RHOU: variants seen among roughly 807,000 people sequenced by gnomAD.
The protein encoded by RHOU is rho-related GTP-binding protein RhoU.
A neutral mutation model predicts 12.6 loss-of-function variants in RHOU; 8 were observed. That is an observed-to-expected ratio of 0.64 (90% CI 0.37 to 1.15). RHOU has a LOEUF of 1.15. Among genes scored for constraint, RHOU ranks in the 50% most tolerant of loss-of-function variants. The pLI, the probability that RHOU is intolerant of heterozygous loss-of-function variation, is 0.01. For synonymous variants in RHOU, 161 were observed against 147.4 expected (o/e 1.09, Z -0.67); for missense variants, 258 against 347.0 (o/e 0.74, Z 2.04).
chr1:228,647,094 C>G, the RHOU span, among the ~76,000 whole-genome samples: 1 of 152,192 alleles, frequency 6.6e-6, no homozygotes, highest in African/African-American at 2.4e-5. Context: ...CACCCTACTT[C>G]GGTAGGCAGC....
the RHOU span, among the ~76,000 whole-genome samples, chr1:228,707,148 A>G: frequency 1.5e-5 from 2 of 130,416 alleles, no homozygotes; most frequent in Non-Finnish European, 3.2e-5. Context: ...ATATATATGT[A>G]TATATATACA....
the RHOU span, among the ~76,000 whole-genome samples, chr1:228,675,527 C>T: frequency 2.6e-5 from 4 of 152,222 alleles, no homozygotes; most frequent in South Asian, 4.1e-4. Context: ...AAGTACATAC[C>T]GCTCCATCTG....
At chr1:228,723,031 C>T in the RHOU span, among the ~76,000 whole-genome samples, 1 of 152,344 alleles carries the variant, frequency 6.6e-6, no homozygotes, top group African/African-American at 2.4e-5. Context: ...ACCGCCTCTG[C>T]TACTCCTGGT....
chr1:228,698,597 A>ATT, the RHOU span, among the ~76,000 whole-genome samples: 1 of 152,256 alleles, frequency 6.6e-6, no homozygotes, highest in Non-Finnish European at 1.5e-5. Context: ...TGAGGGATAC[A>ATT]TTTTTAACTT....
At chr1:228,719,916 G>A in the RHOU span, among the ~76,000 whole-genome samples, 4 of 151,904 alleles carry the variant, frequency 2.6e-5, no homozygotes, top group African/African-American at 9.7e-5. Context: ...TTGCTCCCAA[G>A]CAGACCTAAA....
intron 2 of RHOU, among the ~76,000 whole-genome samples, chr1:228,739,532 C>T (rs767136050): frequency 2.6e-5 from 4 of 152,186 alleles, no homozygotes; most frequent in Non-Finnish European, 4.4e-5. Flanking sequence ...CACTGCCCTG[C>T]AGCCTGGTTG....
chr1:228,710,695 G>C, the RHOU span, among the ~76,000 whole-genome samples: 4 of 150,292 alleles, frequency 2.7e-5, no homozygotes, highest in East Asian at 1.9e-4. Flanking sequence ...CAAACCCACA[G>C]CCAATATCAT....
rs139209273 is a variant in RHOU, at chr1:228,743,502, A to T, written c.539A>T (p.Glu180Val). Reference sequence around the variant, plus strand: ...CTCATTGAGTTGGACAAATGCAAAGAAAAGCCAGTGCCTGAAGAGGCGGCT... The same window carrying T: ...CTCATTGAGTTGGACAAATGCAAAGTAAAGCCAGTGCCTGAAGAGGCGGCT... ...KVLIELDKCK[E>V]KPVPEEAAKL... Residue 180 changes from glutamate to valine, a missense_variant, in exon 3 of 3, where the codon GAA becomes GTA. Transcript: ENST00000366691. The surrounding 1 kb of genome is among the most constrained non-coding windows in gnomAD (Gnocchi z 5.1). 6.2e-7 allele frequency: 1 copy of T among 1,614,210 alleles called. No individual in the cohort carries two copies. Among genetic ancestry groups the T allele is most frequent in the Non-Finnish European group, 8.5e-7 (1 of 1,180,042 alleles).
chr1:228,648,668 A>G, the RHOU span, among the ~76,000 whole-genome samples: 1 of 152,022 alleles, frequency 6.6e-6, no homozygotes, highest in Non-Finnish European at 1.5e-5. Flanking sequence ...GACATACCTG[A>G]ATTGTTTCAT....
the RHOU span, among the ~76,000 whole-genome samples, chr1:228,646,736 C>T: frequency 4.6e-5 from 7 of 151,902 alleles, no homozygotes; most frequent in African/African-American, 1.2e-4. Flanking sequence ...ATCCACTCCC[C>T]CACACACAGA....
the RHOU span, among the ~76,000 whole-genome samples, chr1:228,680,682 G>T: frequency 6.6e-6 from 1 of 152,158 alleles, no homozygotes; most frequent in African/African-American, 2.4e-5. Flanking sequence ...TGCATATTAA[G>T]AATAAGGTGA....
At chr1:228,650,414 T>C in the RHOU span, 2 of 456,992 alleles carry the variant, frequency 4.4e-6, no homozygotes, top group African/African-American at 2.0e-5. Flanking sequence ...CCGGGGCGGC[T>C]GTGGGGTCAG....
At chr1:228,664,024 T>C in the RHOU span, among the ~76,000 whole-genome samples, 1 of 122,692 alleles carries the variant, frequency 8.2e-6, no homozygotes, top group Non-Finnish European at 1.7e-5. Context: ...CTCCTTTTTT[T>C]CTCTTCCCTT....
chr1:228,658,342 T>C, the RHOU span, among the ~76,000 whole-genome samples: 20 of 150,282 alleles, frequency 1.3e-4, no homozygotes, highest in African/African-American at 4.4e-4. Context: ...GATTATCTCA[T>C]GAGGATAGAA....
the RHOU span, among the ~76,000 whole-genome samples, chr1:228,690,602 G>A: frequency 7.3e-5 from 11 of 150,332 alleles, no homozygotes; most frequent in African/African-American, 2.2e-4. Context: ...GATTACAGGC[G>A]TGAGCCACCA....
chr1:228,736,431 A>G (rs1558085528), intron 1 of RHOU, among the ~76,000 whole-genome samples: 2 of 152,092 alleles, frequency 1.3e-5, no homozygotes, highest in Admixed American at 6.5e-5. Context: ...AGGTGCCTTT[A>G]CCTGAGCGTC....
the RHOU span, among the ~76,000 whole-genome samples, chr1:228,706,887 A>G: frequency 6.6e-6 from 1 of 151,832 alleles, no homozygotes; most frequent in South Asian, 2.1e-4. Flanking sequence ...ATCATCTGCA[A>G]ATAGAAATGG....
chr1:228,715,033 C>T, the RHOU span, among the ~76,000 whole-genome samples: 7 of 151,926 alleles, frequency 4.6e-5, no homozygotes, highest in Non-Finnish European at 7.4e-5. Flanking sequence ...TGAGCCACCG[C>T]GCCTGGCCAA....
At chr1:228,687,951 C>T in the RHOU span, 12 of 681,102 alleles carry the variant, frequency 1.8e-5, no homozygotes, top group Non-Finnish European at 2.9e-5. Context: ...CTGTCCCTTC[C>T]TTCCTTCTGT....
Sources: allele counts gnomAD v4.1 joint callset (sites outside exome capture counted in the v4.1 genomes callset), GRCh38; gene constraint gnomAD v4.1.1; non-coding constraint Gnocchi (gnomAD v3.1); transcripts MANE v1.5; gene names NCBI Gene and HGNC (gene_info 2026-07-23, HGNC 2026-07-21).